Variants in TRERF1 observed in about 807,000 individuals in gnomAD.
TRERF1 encodes the protein transcriptional regulating factor 1.
TRERF1 carries 27 observed loss-of-function variants against 122.9 expected under a neutral mutation model. The observed-to-expected ratio is 0.22, with a 90% CI of 0.16 to 0.30. TRERF1 has a LOEUF of 0.30. Ranked by LOEUF, TRERF1 falls within the 10% of genes least tolerant of loss-of-function variation. TRERF1 has a pLI of 1.00. For missense variants in TRERF1, 1,248 were observed against 1,560.3 expected, an observed-to-expected ratio of 0.80 and a Z score of 3.37; for synonymous variants, 636 against 641.7, an observed-to-expected ratio of 0.99 and a Z score of 0.13.
intron 2 of TRERF1, among the ~76,000 whole-genome samples, chr6:42,442,735 C>T (rs1226638591): frequency 3.3e-5 from 5 of 152,312 alleles, no homozygotes; most frequent in Admixed American, 6.5e-5. Context: ...GCCCAAAACA[C>T]CCAGATGATC....
chr6:42,263,221 T>C lies in TRERF1; in HGVS notation c.1884+99A>G. The stretch of plus-strand genomic sequence containing the variant: ...CCCCATCTCCAAGAAAGCAAAGGGA[T>C]GTCCCCACCCAGGCAGGTGGGGCAG... On this transcript the variant is annotated intron_variant, in intron 8 of 17. Coordinates refer to ENST00000372922, the Ensembl canonical transcript of TRERF1. The surrounding 1 kb of genome is among the most constrained non-coding windows in gnomAD (Gnocchi z 5.6). The C allele has an allele frequency of 6.8e-7, 1 of 1,474,760 alleles. No homozygotes were observed. The highest frequency in any genetic ancestry group is 1.4e-5 in the African/African-American group (1 of 70,942). 91.4% of individuals were successfully genotyped at this position (1,474,760 alleles called of 1,614,324 possible). A position where few individuals can be genotyped will look rare whatever the true frequency, so the allele number is the denominator to read the frequency against.
intron 2 of TRERF1, among the ~76,000 whole-genome samples, chr6:42,414,653 G>C (rs1781576191): frequency 6.6e-6 from 1 of 152,134 alleles, no homozygotes; most frequent in Admixed American, 6.5e-5. Flanking sequence ...GTTCACATTT[G>C]TGAATACACA....
chr6:42,280,975 TC>T (rs1271859209), intron 4 of TRERF1, among the ~76,000 whole-genome samples: 1 of 152,224 alleles, frequency 6.6e-6, no homozygotes, highest in Non-Finnish European at 1.5e-5. Flanking sequence ...CACCTGAGAT[TC>T]CCACTGTCTG....
Position 42,334,528 on chromosome 6 carries a change from T to G in TRERF1, c.-371+28469A>C, listed in dbSNP as rs544779965. The stretch of plus-strand genomic sequence containing the variant: ...ATTTGGTTAGCAAAAAAAGTGTCTC[T>G]GGGACTAATTCTACACAGCAAATCC... On this transcript the variant is annotated intron_variant, in intron 3 of 17. Coordinates refer to ENST00000372922, the Ensembl canonical transcript of TRERF1. 7.7e-3 allele frequency among the ~76,000 whole-genome samples: 1,176 copies of G among 152,332 alleles called. 15 individuals are homozygous for G. The highest frequency in any genetic ancestry group is 0.027 in the African/African-American group (1,103 of 41,572).
chr6:42,307,691 A>G (rs1444728135), intron 3 of TRERF1, among the ~76,000 whole-genome samples: 1 of 117,766 alleles, frequency 8.5e-6, no homozygotes, highest in Non-Finnish European at 1.8e-5. Context: ...AAATGTATGA[A>G]AAAAAAAAAA....
chr6:42,421,882 C>T (rs1483345272), intron 2 of TRERF1, among the ~76,000 whole-genome samples: 4 of 151,396 alleles, frequency 2.6e-5, no homozygotes, highest in South Asian at 4.2e-4. Context: ...GTTTGAGAAA[C>T]ACTGGCCGCG....
At position 42,262,537 on chromosome 6, in the gene TRERF1, G is replaced by C. The variant is rs868516672; in HGVS notation, c.1884+783C>G. 2.9e-3 allele frequency among the ~76,000 whole-genome samples: 200 copies of C among 68,062 alleles called. 21 individuals carry two copies. The highest frequency in any genetic ancestry group is 0.011 in the South Asian group (15 of 1,340). The allele number at this position is 68,062 out of a possible 152,430, so 44.7% of individuals were successfully genotyped here. A position where few individuals can be genotyped will look rare whatever the true frequency, so the allele number is the denominator to read the frequency against. ...AGAGAGAGAGAGAGAGAGAGAGAGA[G>C]AGAGAGAGAGAGAGAGAGAGAGAGA... On this transcript the variant is annotated intron_variant, in intron 8 of 17. Transcript: ENST00000372922.
intron 3 of TRERF1, among the ~76,000 whole-genome samples, chr6:42,326,799 T>C (rs1035444211): frequency 2.0e-5 from 3 of 152,170 alleles, no homozygotes; most frequent in African/African-American, 7.2e-5. Flanking sequence ...GTTGGAACTG[T>C]TGAAAATTAA....
chr6:42,402,320 C>T (rs1479528294), intron 2 of TRERF1, among the ~76,000 whole-genome samples: 1 of 152,198 alleles, frequency 6.6e-6, no homozygotes, highest in Non-Finnish European at 1.5e-5. Context: ...GAAAGCTTTA[C>T]AGTAAATGGT....
chr6:42,348,174 C>T (rs1174287682), intron 3 of TRERF1, among the ~76,000 whole-genome samples: 3 of 150,690 alleles, frequency 2.0e-5, no homozygotes, highest in South Asian at 2.1e-4. Context: ...TCAGTGTGCA[C>T]GTCTGTATAA....
At position 42,228,215 on chromosome 6, in the gene TRERF1, C is replaced by A. The variant is rs1027642864; in HGVS notation, c.*130G>T. The A allele has an allele frequency of 2.5e-6, 2 of 789,598 alleles. No individual in the cohort carries two copies. Among genetic ancestry groups the A allele is most frequent in the African/African-American group, 1.8e-5 (1 of 55,762 alleles). 48.9% of individuals were successfully genotyped at this position (789,598 alleles called of 1,614,324 possible). A position where few individuals can be genotyped will look rare whatever the true frequency, so the allele number is the denominator to read the frequency against. On this transcript the variant is annotated 3_prime_UTR_variant, in exon 18 of 18. Coordinates refer to ENST00000372922, the Ensembl canonical transcript of TRERF1. This position sits in a 1 kb window ranked among gnomAD's most constrained non-coding sequence, Gnocchi z 4.2. ...AAGAAATAGGATTTTTTTTTCTAAA[C>A]CTGAATAAAATGACCACTTTTAAAA...
intron 3 of TRERF1, among the ~76,000 whole-genome samples, chr6:42,350,538 G>A (rs1245516164): frequency 6.6e-6 from 1 of 152,162 alleles, no homozygotes; most frequent in Non-Finnish European, 1.5e-5. Flanking sequence ...GCATGGAGAA[G>A]CTGATCTCAC....
intron 10 of TRERF1, among the ~76,000 whole-genome samples, chr6:42,257,685 A>G (rs1046068363): frequency 1.3e-5 from 2 of 152,210 alleles, no homozygotes; most frequent in Admixed American, 1.3e-4. Context: ...TTCTGTGCCT[A>G]TCCATGAAAA....
intron 2 of TRERF1, among the ~76,000 whole-genome samples, chr6:42,445,540 GACATCTCCACT>G (rs1787354668): frequency 6.6e-6 from 1 of 151,986 alleles, no homozygotes; most frequent in South Asian, 2.1e-4. Context: ...TACCCTACTT[GACATCTCCACT>G]TTGAGTCTAA....
chr6:42,440,004 T>A (rs958662559), intron 2 of TRERF1, among the ~76,000 whole-genome samples: 2 of 152,162 alleles, frequency 1.3e-5, no homozygotes, highest in Middle Eastern at 3.2e-3. Flanking sequence ...TCCTAATATA[T>A]GGCAGGCACT....
chr6:42,271,240 T>C (rs563872071), intron 4 of TRERF1, among the ~76,000 whole-genome samples: 4 of 151,848 alleles, frequency 2.6e-5, no homozygotes, highest in Non-Finnish European at 5.9e-5. Context: ...TGAAATTCTT[T>C]CTAGAACTCA....
chr6:42,298,320 C>T (rs1369896756), intron 4 of TRERF1, among the ~76,000 whole-genome samples: 2 of 151,410 alleles, frequency 1.3e-5, no homozygotes, highest in Non-Finnish European at 2.9e-5. Flanking sequence ...CACACCTGGC[C>T]AATTTTTTTA....
intron 4 of TRERF1, among the ~76,000 whole-genome samples, chr6:42,271,995 C>T (rs532925465): frequency 5.3e-5 from 8 of 152,138 alleles, no homozygotes; most frequent in South Asian, 2.1e-4. Flanking sequence ...AAATGGATGA[C>T]GGGAGGTATT....
chr6:42,390,249 G>A (rs556855682), intron 2 of TRERF1, among the ~76,000 whole-genome samples: 52 of 152,308 alleles, frequency 3.4e-4, no homozygotes, highest in Non-Finnish European at 4.6e-4. Flanking sequence ...AAAGTAGAGT[G>A]AAAGGATCAA....
Sources: allele counts gnomAD v4.1 joint callset (sites outside exome capture counted in the v4.1 genomes callset), GRCh38; gene constraint gnomAD v4.1.1; non-coding constraint Gnocchi (gnomAD v3.1); transcripts MANE v1.5; gene names NCBI Gene and HGNC (gene_info 2026-07-23, HGNC 2026-07-21).